The following RTN1 variants were observed in gnomAD, a reference collection of about 807,000 sequenced individuals.
The protein encoded by RTN1 is reticulon 1.
Under a neutral mutation model 65.5 loss-of-function variants are expected in RTN1, and 25 were observed. The observed-to-expected ratio is 0.38, with a 90% CI of 0.28 to 0.53. The LOEUF is 0.53. Ranked by LOEUF, RTN1 falls within the 20% of genes least tolerant of loss-of-function variation. RTN1 has a pLI of 0.79. For synonymous variants in RTN1, 471 were observed against 447.6 expected, an observed-to-expected ratio of 1.05 and a Z score of -0.66; for missense variants, 983 against 1,025.4, an observed-to-expected ratio of 0.96 and a Z score of 0.57.
At chr14:59,619,621 G>A (rs2140175289) in intron 3 of RTN1, among the ~76,000 whole-genome samples, 1 of 152,288 alleles carries the variant, frequency 6.6e-6, no homozygotes, top group East Asian at 1.9e-4. Flanking sequence ...CATGAGAGTG[G>A]AGGAAATCTC....
intron 1 of RTN1, among the ~76,000 whole-genome samples, chr14:59,801,817 T>C (rs950170175): frequency 1.3e-5 from 2 of 152,200 alleles, no homozygotes; most frequent in African/African-American, 4.8e-5. Context: ...AAGTCTTCTA[T>C]ACTTAGAGAA....
At position 59,710,227 on chromosome 14, in the gene RTN1, T is replaced by G. The variant is rs547520428; in HGVS notation, c.1765+16692A>C. Among the ~76,000 whole-genome samples, 5 of 152,106 alleles carry G rather than the reference T, an allele frequency of 3.3e-5. No homozygotes were observed. The South Asian group carries it at 1.0e-3, about 32-fold the overall frequency. ...CTGGCCAATTTTTGTATCTTTTTTT[T>G]GTAAAGATGGGGTTTTGTCATGTTG... On this transcript the variant is annotated intron_variant, in intron 3 of 8. Transcript: ENST00000267484.
intron 1 of RTN1, among the ~76,000 whole-genome samples, chr14:59,755,826 G>GCCT (rs1168051857): frequency 6.6e-6 from 1 of 152,112 alleles, no homozygotes; most frequent in Admixed American, 6.5e-5. Context: ...AATAAAAAGA[G>GCCT]CCTGCATTCT....
At chr14:59,864,802 C>T (rs938922275) in intron 1 of RTN1, among the ~76,000 whole-genome samples, 6 of 152,188 alleles carry the variant, frequency 3.9e-5, no homozygotes, top group African/African-American at 1.4e-4. Flanking sequence ...ATTTTAATAC[C>T]ATGTGTATGT....
At chr14:59,800,450 G>C (rs1268362370) in intron 1 of RTN1, among the ~76,000 whole-genome samples, 2 of 152,168 alleles carry the variant, frequency 1.3e-5, no homozygotes, top group African/African-American at 2.4e-5. Context: ...CCCCAGGCTG[G>C]AGGGCAGTGG....
rs759523019 is a variant in RTN1 at position 59,701,661 on chromosome 14, C to T, written c.1765+25258G>A. Among the ~76,000 whole-genome samples the T allele has an allele frequency of 1.3e-4, 20 of 151,732 alleles. No homozygotes were observed. The South Asian group carries it at 1.5e-3, about 11-fold the overall frequency. On this transcript the variant is annotated intron_variant, in intron 3 of 8. Coordinates refer to ENST00000267484, the MANE Select transcript of RTN1 (RefSeq NM_021136.3). ...AATCTATAGAAATAGAAAATAGATT[C>T]GTGGTTGCCAGGGACTGTGGGAAAG...
Position 59,836,143 on chromosome 14 carries a change from T to C in RTN1, c.241+34247A>G, listed in dbSNP as rs942392398. 3.3e-5 allele frequency among the ~76,000 whole-genome samples: 5 copies of C among 152,244 alleles called. No individual in the cohort carries two copies. The highest frequency in any genetic ancestry group is 7.3e-5 in the Non-Finnish European group (5 of 68,044). On this transcript the variant is annotated intron_variant, in intron 1 of 8. Coordinates refer to ENST00000267484, the MANE Select transcript of RTN1 (RefSeq NM_021136.3). This position sits in a 1 kb window ranked among gnomAD's most constrained non-coding sequence, Gnocchi z 4.9. ...GGACCACCTGGATAATCGAGGCTAATCTTTTCAACTCAGGATCCTAAACTT... is the reference window on the plus strand; with the variant it reads ...GGACCACCTGGATAATCGAGGCTAACCTTTTCAACTCAGGATCCTAAACTT...
At chr14:59,736,221 A>C (rs1022539369) in intron 2 of RTN1, among the ~76,000 whole-genome samples, 1 of 152,168 alleles carries the variant, frequency 6.6e-6, no homozygotes, top group Non-Finnish European at 1.5e-5. Context: ...AAACCCTTTA[A>C]AAATAAACAA....
At chr14:59,863,510 C>T (rs1233188833) in intron 1 of RTN1, among the ~76,000 whole-genome samples, 1 of 152,138 alleles carries the variant, frequency 6.6e-6, no homozygotes, top group Non-Finnish European at 1.5e-5. Context: ...GAGTCTCTTT[C>T]AGTTTTCCTA....
intron 2 of RTN1, among the ~76,000 whole-genome samples, chr14:59,744,102 A>G (rs749026493): frequency 1.2e-4 from 19 of 152,176 alleles, no homozygotes; most frequent in Admixed American, 1.3e-4. Context: ...GCTAAAATCT[A>G]TAGGGAAAGA....
chr14:59,811,663 C>T (rs779263279), intron 1 of RTN1, among the ~76,000 whole-genome samples: 4 of 152,092 alleles, frequency 2.6e-5, no homozygotes, highest in Non-Finnish European at 4.4e-5. Context: ...AAAATATCAC[C>T]GCATATTTGG....
intron 1 of RTN1, among the ~76,000 whole-genome samples, chr14:59,857,183 TTAAAGC>T (rs1172419702): frequency 3.9e-5 from 6 of 152,094 alleles, no homozygotes; most frequent in African/African-American, 1.4e-4. Context: ...CTCAGGGAGC[TTAAAGC>T]TAAAGCTTTA....
At chr14:59,859,671 C>G (rs572929139) in intron 1 of RTN1, among the ~76,000 whole-genome samples, 8 of 152,294 alleles carry the variant, frequency 5.3e-5, no homozygotes, top group African/African-American at 1.4e-4. Context: ...AAGTTTGGAA[C>G]TGCCTAGAGA....
chr14:59,695,130 G>A (rs1594682866), intron 3 of RTN1, among the ~76,000 whole-genome samples: 1 of 152,160 alleles, frequency 6.6e-6, no homozygotes, highest in African/African-American at 2.4e-5. Flanking sequence ...GGCACTTGGT[G>A]CCACGGTTGA....
chr14:59,726,235 C>T (rs1952041), intron 3 of RTN1, among the ~76,000 whole-genome samples: 12,114 of 152,190 alleles, frequency 0.08, 1,535 homozygotes, highest in African/African-American at 0.27. Flanking sequence ...GAAGACTCAC[C>T]TCAAAATTTT....
rs991052040 is a variant in RTN1, at chr14:59,766,240, T to C, written c.242-19759A>G. Among the ~76,000 whole-genome samples the C allele has an allele frequency of 6.9e-6, 1 of 145,980 alleles. No homozygotes were observed. Among genetic ancestry groups the C allele is most frequent in the African/African-American group, 2.5e-5 (1 of 39,290 alleles). On this transcript the variant is annotated intron_variant, in intron 1 of 8. Transcript: ENST00000267484. This position sits in a 1 kb window ranked among gnomAD's most constrained non-coding sequence, Gnocchi z 4.4. ...GTGAGACGCTGTCAAAAAAAAAAAATTCATTAACAATTACCTAGAATTTAA... is the reference window on the plus strand; with the variant it reads ...GTGAGACGCTGTCAAAAAAAAAAAACTCATTAACAATTACCTAGAATTTAA...
chr14:59,641,180 C>G (rs1287157728), intron 3 of RTN1, among the ~76,000 whole-genome samples: 3 of 152,080 alleles, frequency 2.0e-5, no homozygotes, highest in Non-Finnish European at 2.9e-5. Context: ...GTTACCCAGG[C>G]TGGTCTTGAA....
chr14:59,619,598 C>T (rs532065694), intron 3 of RTN1, among the ~76,000 whole-genome samples: 6 of 152,024 alleles, frequency 3.9e-5, no homozygotes, highest in Admixed American at 2.0e-4. Flanking sequence ...TATGTGGAAA[C>T]GATGACTGCA....
At chr14:59,751,940 C>T (rs757807443) in intron 1 of RTN1, among the ~76,000 whole-genome samples, 32 of 152,314 alleles carry the variant, frequency 2.1e-4, no homozygotes, top group Non-Finnish European at 2.9e-4. Flanking sequence ...TCACCCTCCA[C>T]TCCGGGCATA....
Sources: allele counts gnomAD v4.1 joint callset (sites outside exome capture counted in the v4.1 genomes callset), GRCh38; gene constraint gnomAD v4.1.1; non-coding constraint Gnocchi (gnomAD v3.1); transcripts MANE v1.5; gene names NCBI Gene and HGNC (gene_info 2026-07-23, HGNC 2026-07-21).